Variants in SLIT3 observed in about 807,000 individuals in gnomAD.
The protein encoded by SLIT3 is slit guidance ligand 3.
SLIT3 carries 68 observed loss-of-function variants against 184.0 expected under a neutral mutation model. That is an observed-to-expected ratio of 0.37 (90% CI 0.30 to 0.45). The LOEUF (loss-of-function observed/expected upper bound fraction) is 0.45. Among genes scored for constraint, SLIT3 ranks in the 20% least tolerant of loss-of-function variants. The pLI is 1.00. For synonymous variants in SLIT3, 831 were observed against 828.6 expected, an observed-to-expected ratio of 1.00 and a Z score of -0.05; for missense variants, 1,707 against 2,026.0, an observed-to-expected ratio of 0.84 and a Z score of 3.02.
intron 4 of SLIT3, among the ~76,000 whole-genome samples, chr5:169,172,452 T>A (rs912683301): frequency 2.6e-5 from 4 of 152,212 alleles, no homozygotes; most frequent in African/African-American, 9.7e-5. Context: ...GTATATACTT[T>A]CACATCTTGG....
At chr5:169,128,185 G>C (rs1761151430) in intron 4 of SLIT3, among the ~76,000 whole-genome samples, 1 of 149,566 alleles carries the variant, frequency 6.7e-6, no homozygotes, top group Admixed American at 6.7e-5. Flanking sequence ...GAAGAAAATA[G>C]GCAAAATGTC....
intron 4 of SLIT3, among the ~76,000 whole-genome samples, chr5:169,139,804 C>T (rs1177918372): frequency 6.6e-6 from 1 of 152,202 alleles, no homozygotes; most frequent in Non-Finnish European, 1.5e-5. Context: ...CTAGTAACCC[C>T]TTCCATCCCT....
Position 168,673,235 on chromosome 5 carries a change from G to A in SLIT3, c.3783C>T (p.Ser1261=), listed in dbSNP as rs1223858431. The change falls in exon 33 of 36, where the codon AGC becomes AGT. Residue 1261 remains serine (S), a synonymous_variant. Coordinates refer to ENST00000519560, the MANE Select transcript of SLIT3 (RefSeq NM_003062.4). ...NLVVDKGTPK[S]LGKLQKQPAV... ...CTGGCTGCTTCTGGAGCTTCCCCAGGCTCTTTGGAGTTCCTTTGTCCACTA... is the reference window on the plus strand; with the variant it reads ...CTGGCTGCTTCTGGAGCTTCCCCAGACTCTTTGGAGTTCCTTTGTCCACTA... 6.8e-6 allele frequency: 11 copies of A among 1,614,010 alleles called. No homozygotes were observed. Among genetic ancestry groups the A allele is most frequent in the Admixed American group, 1.7e-5 (1 of 59,994 alleles).
At chr5:169,015,481 C>T (rs796497930) in intron 4 of SLIT3, among the ~76,000 whole-genome samples, 2 of 152,258 alleles carry the variant, frequency 1.3e-5, no homozygotes, top group Admixed American at 6.5e-5. Flanking sequence ...GAGCAGTGTC[C>T]GCTGCAACTG....
chr5:168,967,217 T>C (rs2113306465), intron 4 of SLIT3, among the ~76,000 whole-genome samples: 1 of 152,038 alleles, frequency 6.6e-6, no homozygotes, highest in South Asian at 2.1e-4. Flanking sequence ...TCCAATGCTA[T>C]AAATGTGTGT....
chr5:169,157,024 C>CA (rs1384623543), intron 4 of SLIT3, among the ~76,000 whole-genome samples: 1 of 151,866 alleles, frequency 6.6e-6, no homozygotes, highest in Non-Finnish European at 1.5e-5. Context: ...ATACCACACA[C>CA]AAAAAAATCT....
intron 1 of SLIT3, among the ~76,000 whole-genome samples, chr5:169,290,429 A>G (rs943650468): frequency 1.9e-4 from 29 of 151,436 alleles, no homozygotes; most frequent in African/African-American, 6.8e-4. Flanking sequence ...ACACTGGGGC[A>G]CACACTAGGT....
At chr5:168,689,704 G>A (rs1476317805) in intron 29 of SLIT3, among the ~76,000 whole-genome samples, 4 of 152,314 alleles carry the variant, frequency 2.6e-5, no homozygotes, top group East Asian at 1.9e-4. Flanking sequence ...GAACGTACAA[G>A]GAGAACTCCA....
At chr5:169,069,126 T>A (rs1324239779) in intron 4 of SLIT3, among the ~76,000 whole-genome samples, 3 of 152,152 alleles carry the variant, frequency 2.0e-5, no homozygotes, top group African/African-American at 7.2e-5. Flanking sequence ...CTTGCAACAA[T>A]CCTTAGAGGT....
intron 1 of SLIT3, among the ~76,000 whole-genome samples, chr5:169,263,270 G>A (rs148468274): frequency 6.6e-6 from 1 of 152,122 alleles, no homozygotes; most frequent in Non-Finnish European, 1.5e-5. Context: ...TAAGCCCAGG[G>A]GGGCAGAGGC....
Position 168,817,280 on chromosome 5 carries a change from A to G in SLIT3, c.793+20T>C, listed in dbSNP as rs1200188430. The G allele has an allele frequency of 8.1e-6, 13 of 1,611,350 alleles. No individual in the cohort carries two copies. In the East Asian group the frequency reaches 2.9e-4, roughly 36 times the overall value. ...GGTGGGTCATAGCACAGGAGGGGAG[A>G]GCAGGTAAAGCATCCTCACCTGGGC... is the stretch of plus-strand genomic sequence containing the variant. On this transcript the variant is annotated intron_variant, in intron 8 of 35. Transcript: ENST00000519560.
chr5:168,932,546 G>A (rs1172384267), intron 4 of SLIT3, among the ~76,000 whole-genome samples: 2 of 152,122 alleles, frequency 1.3e-5, no homozygotes, highest in Non-Finnish European at 2.9e-5. Context: ...ACCTCAGCCA[G>A]CCAATCAACG....
At chr5:168,712,449 G>T in intron 23 of SLIT3, 95 bp from the exon 24 acceptor site, 2 of 1,091,758 alleles carry the variant, frequency 1.8e-6, no homozygotes, top group Non-Finnish European at 2.8e-6. Context: ...CCACCCTTCA[G>T]TTTTGCTCAG....
At chr5:169,133,118 C>A (rs1761365642) in intron 4 of SLIT3, among the ~76,000 whole-genome samples, 1 of 152,150 alleles carries the variant, frequency 6.6e-6, no homozygotes, top group South Asian at 2.1e-4. Flanking sequence ...TTATGATCTG[C>A]ACCTTATCCT....
intron 4 of SLIT3, among the ~76,000 whole-genome samples, chr5:168,889,156 T>C (rs1222091301): frequency 2.0e-5 from 3 of 152,214 alleles, no homozygotes; most frequent in East Asian, 3.8e-4. Flanking sequence ...CAGGAAAAAT[T>C]ATCCCCTGGG....
At chr5:168,873,791 T>A (rs1386607783) in intron 5 of SLIT3, among the ~76,000 whole-genome samples, 3 of 151,792 alleles carry the variant, frequency 2.0e-5, no homozygotes, top group Admixed American at 2.0e-4. Context: ...ACATAGGTAG[T>A]GAGAGGCAAA....
intron 1 of SLIT3, among the ~76,000 whole-genome samples, chr5:169,265,405 T>A (rs1766359895): frequency 2.0e-5 from 3 of 152,228 alleles, no homozygotes; most frequent in Admixed American, 6.5e-5. Context: ...GTGGCCATCA[T>A]AAGCTGGTAC....
At chr5:168,729,374 G>C (rs1216947445) in intron 20 of SLIT3, among the ~76,000 whole-genome samples, 1 of 151,952 alleles carries the variant, frequency 6.6e-6, no homozygotes, top group Non-Finnish European at 1.5e-5. Context: ...TGAAATAAAG[G>C]ATTTTAAAAT....
At chr5:169,027,930 T>C (rs144300093) in intron 4 of SLIT3, among the ~76,000 whole-genome samples, 1 of 152,272 alleles carries the variant, frequency 6.6e-6, no homozygotes, top group East Asian at 1.9e-4. Flanking sequence ...GAAAACTCCT[T>C]TACTGGCAGG....
Sources: gnomAD v4.1 joint callset for allele counts (sites outside exome capture counted in the v4.1 genomes callset) on GRCh38, gnomAD v4.1.1 for gene constraint, MANE v1.5 for transcripts, NCBI Gene and HGNC (gene_info 2026-07-23, HGNC 2026-07-21) for gene names.